SFMBT2: variants seen among roughly 807,000 people sequenced by gnomAD.
SFMBT2 encodes Scm like with four mbt domains 2, also known as scm-like with four MBT domains protein 2.
In SFMBT2, 38 loss-of-function variants were observed where a neutral mutation model predicts 110.1. The observed-to-expected ratio is 0.35, with a 90% CI of 0.27 to 0.45. SFMBT2 has a LOEUF of 0.45. Ranked by LOEUF, SFMBT2 falls within the 20% of genes least tolerant of loss-of-function variation. The pLI, the probability that SFMBT2 is intolerant of heterozygous loss-of-function variation, is 1.00. For synonymous variants in SFMBT2, 425 were observed against 425.4 expected (o/e 1.00, Z 0.01); for missense variants, 1,011 against 1,094.9 (o/e 0.92, Z 1.08).
At chr10:7,400,903 C>G (rs1053211100) in intron 1 of SFMBT2, among the ~76,000 whole-genome samples, 1 of 152,158 alleles carries the variant, frequency 6.6e-6, no homozygotes, top group Non-Finnish European at 1.5e-5. Context: ...GAAGCCGAGG[C>G]GGGCGGATTA....
At position 7,202,476 on chromosome 10, in the gene SFMBT2, G is replaced by C; in HGVS notation, c.1487+4C>G. ...TGTAGTCTGGAGGGGAAAAAAGCACGTACTGTTTCTCTGGTTGCACGACTG... is the reference window on the plus strand; with the variant it reads ...TGTAGTCTGGAGGGGAAAAAAGCACCTACTGTTTCTCTGGTTGCACGACTG... On this transcript the variant is annotated splice_donor_region_variant and intron_variant, in intron 13 of 20. Coordinates refer to ENST00000397167, the MANE Select transcript of SFMBT2 (RefSeq NM_001387889.1). 4 of 1,614,120 alleles carry C rather than the reference G, an allele frequency of 2.5e-6. No individual in the cohort carries two copies. Among genetic ancestry groups the C allele is most frequent in the Non-Finnish European group, 3.4e-6 (4 of 1,180,010 alleles).
chr10:7,395,800 G>A (rs1206874203), intron 1 of SFMBT2, among the ~76,000 whole-genome samples: 1 of 150,794 alleles, frequency 6.6e-6, no homozygotes, highest in South Asian at 2.1e-4. Context: ...CTAAGGCTAT[G>A]AATGTTTTTC....
At position 7,301,422 on chromosome 10, in the gene SFMBT2, G is replaced by A. The variant is rs911933466; in HGVS notation, c.437-15468C>T. Among the ~76,000 whole-genome samples, 2 of 152,222 alleles carry A rather than the reference G, an allele frequency of 1.3e-5. No individual in the cohort carries two copies. Among genetic ancestry groups the A allele is most frequent in the African/African-American group, 4.8e-5 (2 of 41,462 alleles). ...GAATGAAGAAAGCCCGAACTCATGA[G>A]ACAGCGGAGGAAACCCGGGAGGGAC... On this transcript the variant is annotated intron_variant, in intron 4 of 20. Transcript: ENST00000397167. This position sits in a 1 kb window ranked among gnomAD's most constrained non-coding sequence, Gnocchi z 4.2.
intron 12 of SFMBT2, chr10:7,203,110 G>A (rs1301481359): frequency 5.1e-6 from 5 of 985,326 alleles, no homozygotes; most frequent in Non-Finnish European, 6.0e-6. Flanking sequence ...ATAGACCAAA[G>A]CTTTTGGCAT....
chr10:7,387,948 A>C (rs1845660030), intron 1 of SFMBT2, among the ~76,000 whole-genome samples: 2 of 137,950 alleles, frequency 1.4e-5, no homozygotes, highest in African/African-American at 5.0e-5. Flanking sequence ...CTCTGTTTCA[A>C]AAAAAAAAAA....
intron 1 of SFMBT2, among the ~76,000 whole-genome samples, chr10:7,402,355 T>C (rs1466598243): frequency 1.3e-5 from 2 of 152,170 alleles, no homozygotes; most frequent in Non-Finnish European, 2.9e-5. Flanking sequence ...GCCTAGCAAA[T>C]ATTCTATTCT....
At chr10:7,197,791 C>A (rs1838824922) in intron 14 of SFMBT2, 104 bp from the exon 15 acceptor site, 4 of 1,453,428 alleles carry the variant, frequency 2.8e-6, no homozygotes, top group East Asian at 2.4e-5. Flanking sequence ...AAGGACCACA[C>A]AGAGCTGTCC....
At chr10:7,309,885 G>A (rs1365707940) in intron 4 of SFMBT2, among the ~76,000 whole-genome samples, 1 of 152,126 alleles carries the variant, frequency 6.6e-6, no homozygotes, top group African/African-American at 2.4e-5. Flanking sequence ...ACCTAAATAT[G>A]CCCTTAGTAA....
At position 7,272,092 on chromosome 10, in the gene SFMBT2, C is replaced by T. The variant is rs559443306; in HGVS notation, c.870+4800G>A. On this transcript the variant is annotated intron_variant, in intron 7 of 20. Coordinates refer to ENST00000397167, the MANE Select transcript of SFMBT2 (RefSeq NM_001387889.1). ...CGGAAGGAGACACTGCACAGGGGAG[C>T]GAGTGAAAAATCTCCCCAGGCTCAG... Among the ~76,000 whole-genome samples the T allele has an allele frequency of 1.1e-3, 161 of 152,220 alleles. 3 individuals are homozygous for T. Among genetic ancestry groups the T allele is most frequent in the South Asian group, 3.5e-3 (17 of 4,822 alleles).
intron 15 of SFMBT2, among the ~76,000 whole-genome samples, chr10:7,191,344 C>T (rs942130019): frequency 1.3e-5 from 2 of 152,184 alleles, no homozygotes; most frequent in Non-Finnish European, 1.5e-5. Context: ...ATGGCCGAAA[C>T]GCTGGGCAGC....
intron 4 of SFMBT2, chr10:7,286,349 A>C (rs1252141019): frequency 1.1e-6 from 1 of 944,046 alleles, no homozygotes. Flanking sequence ...CCCGAATTAC[A>C]TGAACAGTTT....
chr10:7,227,968 G>T (rs367851633), intron 9 of SFMBT2, 31 bp from the exon 10 acceptor site: 2 of 1,515,724 alleles, frequency 1.3e-6, no homozygotes, highest in Non-Finnish European at 1.8e-6. Flanking sequence ...ATAAAACAGC[G>T]CACATTAAGC....
rs1373473429 is a variant in SFMBT2 at position 7,172,864 on chromosome 10, C to T, written c.1985-203G>A. On this transcript the variant is annotated intron_variant, in intron 17 of 20. Coordinates refer to ENST00000397167, the MANE Select transcript of SFMBT2 (RefSeq NM_001387889.1). This position sits in a 1 kb window ranked among gnomAD's most constrained non-coding sequence, Gnocchi z 4.6. ...GAAGGTGTTCGGGCTGAACTTGGCC[C>T]GTCCCCAGTGTTGAAGCCCAAACCC... Among the ~76,000 whole-genome samples, 3 of 152,170 alleles carry T rather than the reference C, an allele frequency of 2.0e-5. No individual in the cohort carries two copies. The highest frequency in any genetic ancestry group is 1.9e-4 in the East Asian group (1 of 5,194).
At chr10:7,291,288 G>T (rs1480899875) in intron 4 of SFMBT2, among the ~76,000 whole-genome samples, 1 of 152,192 alleles carries the variant, frequency 6.6e-6, no homozygotes, top group African/African-American at 2.4e-5. Flanking sequence ...CCATCCCTAT[G>T]TGCTAGCATT....
intron 4 of SFMBT2, among the ~76,000 whole-genome samples, chr10:7,297,543 G>C (rs759320332): frequency 5.9e-5 from 9 of 152,140 alleles, no homozygotes; most frequent in Non-Finnish European, 1.3e-4. Flanking sequence ...GCGAATGGGA[G>C]GGGGAGGAGA....
At chr10:7,232,313 A>G (rs1344584086) in intron 9 of SFMBT2, among the ~76,000 whole-genome samples, 3 of 152,338 alleles carry the variant, frequency 2.0e-5, no homozygotes, top group South Asian at 4.1e-4. Flanking sequence ...ATTAAAAAAA[A>G]ACTCCTACCC....
chr10:7,252,206 T>C (rs1840833221), intron 7 of SFMBT2, among the ~76,000 whole-genome samples: 1 of 152,200 alleles, frequency 6.6e-6, no homozygotes, highest in South Asian at 2.1e-4. Context: ...CTGTCAATCA[T>C]AGCTCCCCGT....
intron 17 of SFMBT2, among the ~76,000 whole-genome samples, chr10:7,173,523 C>T (rs1837954495): frequency 6.6e-6 from 1 of 152,232 alleles, no homozygotes; most frequent in African/African-American, 2.4e-5. Flanking sequence ...TTATTTCCTT[C>T]TCATTTGCTG....
chr10:7,293,820 G>C lies in SFMBT2; in HGVS notation c.437-7866C>G, dbSNP rs182536683. Among the ~76,000 whole-genome samples the C allele has an allele frequency of 6.6e-6, 1 of 152,186 alleles. No individual in the cohort carries two copies. The highest frequency in any genetic ancestry group is 1.9e-4 in the East Asian group (1 of 5,182). The stretch of plus-strand genomic sequence containing the variant: ...TAGGAACCCAGGGTCTTTCAATCCT[G>C]TCACTCTGCTCTAAGTGAGGGCAGG... On this transcript the variant is annotated intron_variant, in intron 4 of 20. Transcript: ENST00000397167. The surrounding 1 kb of genome is among the most constrained non-coding windows in gnomAD (Gnocchi z 4.6).
Sources: gnomAD v4.1 joint callset for allele counts (sites outside exome capture counted in the v4.1 genomes callset) on GRCh38, gnomAD v4.1.1 for gene constraint, Gnocchi (gnomAD v3.1) non-coding constraint, MANE v1.5 for transcripts, NCBI Gene and HGNC (gene_info 2026-07-23, HGNC 2026-07-21) for gene names.